KCMF1: variants seen among roughly 807,000 people sequenced by gnomAD.
KCMF1 encodes the protein potassium channel modulatory factor 1.
Under a neutral mutation model 41.1 loss-of-function variants are expected in KCMF1, and 3 were observed. That is an observed-to-expected ratio of 0.07 (90% CI 0.03 to 0.19). The LOEUF is 0.19. Ranked by LOEUF, KCMF1 falls within the 10% of genes least tolerant of loss-of-function variation. KCMF1 has a pLI of 1.00. For synonymous variants in KCMF1, 142 were observed against 164.5 expected, an observed-to-expected ratio of 0.86 and a Z score of 1.04; for missense variants, 286 against 488.9, an observed-to-expected ratio of 0.58 and a Z score of 3.91.
At position 85,024,583 on chromosome 2, in the gene KCMF1, AGTGT is replaced by A. The variant is rs71390042; in HGVS notation, c.17-3286_17-3283del. 3.2e-3 allele frequency among the ~76,000 whole-genome samples: 393 copies of A among 124,304 alleles called. 4 individuals are homozygous for A. In the South Asian group the frequency reaches 0.035, roughly 11 times the overall value. The allele number at this position is 124,304 out of a possible 152,430, so 81.5% of individuals were successfully genotyped here. A position where few individuals can be genotyped will look rare whatever the true frequency, so the allele number is the denominator to read the frequency against. On this transcript the variant is annotated intron_variant, in intron 1 of 6. Coordinates refer to ENST00000409785, the MANE Select transcript of KCMF1 (RefSeq NM_020122.5). ...GAGAGAGAGAGAGAGAGAGAGAGAGAGTGTGTGTGTGTGTGTGTGTGTGCGCGTG... is the reference window on the plus strand; with the variant it reads ...GAGAGAGAGAGAGAGAGAGAGAGAGAGTGTGTGTGTGTGTGTGTGCGCGTG...
At chr2:85,038,258 T>C (rs1347753294) in intron 3 of KCMF1, among the ~76,000 whole-genome samples, 1 of 152,202 alleles carries the variant, frequency 6.6e-6, no homozygotes, top group African/African-American at 2.4e-5. Context: ...ACTATAACTG[T>C]TCACTGCAGC....
At chr2:84,983,833 A>T (rs1364741279) in intron 1 of KCMF1, among the ~76,000 whole-genome samples, 1 of 151,996 alleles carries the variant, frequency 6.6e-6, no homozygotes, top group Non-Finnish European at 1.5e-5. Context: ...TTTTATAGAG[A>T]TGGAGTCACC....
At chr2:84,987,416 C>T (rs1246898798) in intron 1 of KCMF1, among the ~76,000 whole-genome samples, 6 of 152,136 alleles carry the variant, frequency 3.9e-5, no homozygotes. Context: ...ATTAGTCAAT[C>T]GTCACAGGAA....
chr2:85,023,417 C>G (rs1419678162), intron 1 of KCMF1, among the ~76,000 whole-genome samples: 1 of 145,706 alleles, frequency 6.9e-6, no homozygotes, highest in African/African-American at 2.5e-5. Flanking sequence ...CTCCTGGGTT[C>G]ACGCCATTCT....
chr2:85,017,248 G>A (rs887647541), intron 1 of KCMF1, among the ~76,000 whole-genome samples: 3 of 150,362 alleles, frequency 2.0e-5, no homozygotes, highest in African/African-American at 4.9e-5. Context: ...GGATGGTCTC[G>A]ATCTCCTGAC....
At chr2:85,009,664 C>T (rs866060138) in intron 1 of KCMF1, among the ~76,000 whole-genome samples, 12 of 152,078 alleles carry the variant, frequency 7.9e-5, no homozygotes, top group African/African-American at 2.9e-4. Context: ...CTCTTCCCCC[C>T]TCTTCTTTCT....
At chr2:84,971,683 C>T (rs1428255616) in intron 1 of KCMF1, among the ~76,000 whole-genome samples, 2 of 146,436 alleles carry the variant, frequency 1.4e-5, no homozygotes, top group South Asian at 2.2e-4. Context: ...GTGCTGGAGG[C>T]GGGGCGGCCC....
chr2:84,995,465 ACTT>A (rs763091794), intron 1 of KCMF1, among the ~76,000 whole-genome samples: 1 of 152,188 alleles, frequency 6.6e-6, no homozygotes, highest in Middle Eastern at 3.4e-3. Context: ...TGAGTGTTAT[ACTT>A]CTTATTACAT....
rs57524443 is a variant in KCMF1 at position 85,012,500 on chromosome 2, C to CT, written c.17-15386dup. Among the ~76,000 whole-genome samples the CT allele has an allele frequency of 2.3e-3, 349 of 152,316 alleles. 3 individuals are homozygous for CT. The highest frequency in any genetic ancestry group is 8.1e-3 in the African/African-American group (336 of 41,568). ...TATGTTTATGCTTAGTCCCTTCCTT[C>CT]TTTCTTTTCCGTATTACCGTATATC... On this transcript the variant is annotated intron_variant, in intron 1 of 6. Transcript: ENST00000409785.
intron 1 of KCMF1, among the ~76,000 whole-genome samples, chr2:85,002,063 T>C (rs532673314): frequency 7.9e-5 from 12 of 152,346 alleles, no homozygotes; most frequent in African/African-American, 2.4e-4. Flanking sequence ...GACCTAACCA[T>C]GGTAGGCTTT....
At chr2:85,025,905 G>C (rs1340097858) in intron 1 of KCMF1, among the ~76,000 whole-genome samples, 1 of 152,116 alleles carries the variant, frequency 6.6e-6, no homozygotes, top group Non-Finnish European at 1.5e-5. Flanking sequence ...TAATAACTTA[G>C]CTGTATTTGG....
At chr2:85,016,489 A>G (rs1262314707) in intron 1 of KCMF1, among the ~76,000 whole-genome samples, 1 of 151,946 alleles carries the variant, frequency 6.6e-6, no homozygotes, top group Non-Finnish European at 1.5e-5. Context: ...GGGATGATTT[A>G]TATTTCCTCT....
At chr2:84,975,025 A>G (rs573497718) in intron 1 of KCMF1, among the ~76,000 whole-genome samples, 2 of 152,218 alleles carry the variant, frequency 1.3e-5, no homozygotes, top group East Asian at 3.9e-4. Context: ...TATAATTTTC[A>G]TGTGTCATGA....
chr2:84,997,586 GGGA>G (rs1371556624), intron 1 of KCMF1, among the ~76,000 whole-genome samples: 1 of 152,014 alleles, frequency 6.6e-6, no homozygotes, highest in East Asian at 1.9e-4. Context: ...ATCTCAGGAA[GGGA>G]GGAGACCTTT....
At position 85,008,281 on chromosome 2, in the gene KCMF1, T is replaced by G. The variant is rs1485998177; in HGVS notation, c.17-19608T>G. 4.5e-4 allele frequency among the ~76,000 whole-genome samples: 45 copies of G among 100,752 alleles called. No homozygotes were observed. In the South Asian group the frequency reaches 6.2e-3, roughly 14 times the overall value. 66.1% of individuals were successfully genotyped at this position (100,752 alleles called of 152,430 possible). On this transcript the variant is annotated intron_variant, in intron 1 of 6. Transcript: ENST00000409785. Reference sequence around the variant, plus strand: ...TATATATCATATATAATATATAATATGATATATAATATATATAATATATAA... The same window carrying G: ...TATATATCATATATAATATATAATAGGATATATAATATATATAATATATAA...
intron 1 of KCMF1, among the ~76,000 whole-genome samples, chr2:85,015,399 T>A (rs1051367800): frequency 2.6e-5 from 4 of 152,160 alleles, no homozygotes; most frequent in Non-Finnish European, 4.4e-5. Flanking sequence ...AATAGTAGAT[T>A]GAGTAATATA....
intron 3 of KCMF1, among the ~76,000 whole-genome samples, chr2:85,042,241 T>G (rs955574312): frequency 3.3e-5 from 5 of 152,224 alleles, no homozygotes; most frequent in Non-Finnish European, 7.3e-5. Flanking sequence ...GACAGCTGAT[T>G]AGGCATAAGA....
rs188976866 is a variant in KCMF1 at position 85,012,166 on chromosome 2, C to T, written c.17-15723C>T. On this transcript the variant is annotated intron_variant, in intron 1 of 6. Transcript: ENST00000409785. ...GCTTTTTCTTTTTCTTTTTCATTGA[C>T]GAGGAAAGCAAAGATCAGGTAAGCA... 4.6e-5 allele frequency among the ~76,000 whole-genome samples: 7 copies of T among 152,136 alleles called. No individual in the cohort carries two copies. The East Asian group carries it at 5.8e-4, about 13-fold the overall frequency.
chr2:84,999,306 A>G lies in KCMF1; in HGVS notation c.16+27839A>G, dbSNP rs1230353930. The stretch of plus-strand genomic sequence containing the variant: ...GCTGGGATTACAGGTGCCCGCCAAC[A>G]CACCCGGCTAATTTTTGTATTTTTT... On this transcript the variant is annotated intron_variant, in intron 1 of 6. Coordinates refer to ENST00000409785, the MANE Select transcript of KCMF1 (RefSeq NM_020122.5). Among the ~76,000 whole-genome samples the G allele has an allele frequency of 4.6e-5, 7 of 151,932 alleles. No individual in the cohort carries two copies. In the East Asian group the frequency reaches 1.4e-3, roughly 30 times the overall value.
Sources: gnomAD v4.1 joint callset for allele counts (sites outside exome capture counted in the v4.1 genomes callset) on GRCh38, gnomAD v4.1.1 for gene constraint, MANE v1.5 for transcripts, NCBI Gene and HGNC (gene_info 2026-07-23, HGNC 2026-07-21) for gene names.